Variants in MAST4 observed in about 807,000 individuals in gnomAD.
The protein encoded by MAST4 is microtubule associated serine/threonine kinase family member 4.
In MAST4, 89 loss-of-function variants were observed where a neutral mutation model predicts 162.7. That is an observed-to-expected ratio of 0.55 (90% confidence interval 0.46 to 0.65). The LOEUF is 0.65. Ranked by LOEUF, MAST4 falls within the 30% of genes least tolerant of loss-of-function variation. MAST4 has a pLI of 0.00. For missense variants in MAST4, 3,153 were observed against 3,374.0 expected, an observed-to-expected ratio of 0.93 and a Z score of 1.62; for synonymous variants, 1,479 against 1,361.1, an observed-to-expected ratio of 1.09 and a Z score of -1.91.
chr5:66,765,168 A>G (rs1754036913), intron 2 of MAST4, among the ~76,000 whole-genome samples: 1 of 152,174 alleles, frequency 6.6e-6, no homozygotes, highest in Admixed American at 6.5e-5. Flanking sequence ...AGTTTGCATA[A>G]GTACACCCTA....
intron 8 of MAST4, among the ~76,000 whole-genome samples, chr5:67,101,198 T>G (rs1162103877): frequency 1.3e-5 from 2 of 152,156 alleles, no homozygotes; most frequent in Non-Finnish European, 2.9e-5. Context: ...CTTTCGAAAT[T>G]AGCACCTGTG....
chr5:67,026,266 G>A (rs375158511), intron 4 of MAST4, among the ~76,000 whole-genome samples: 1 of 152,138 alleles, frequency 6.6e-6, no homozygotes, highest in African/African-American at 2.4e-5. Flanking sequence ...ACATTTTAGA[G>A]GGGAAAAAAT....
intron 21 of MAST4, among the ~76,000 whole-genome samples, chr5:67,143,695 G>A (rs999538329): frequency 6.6e-6 from 1 of 152,192 alleles, no homozygotes; most frequent in Non-Finnish European, 1.5e-5. Flanking sequence ...TCGAGGTAAG[G>A]ATTTCCCTGG....
intron 3 of MAST4, among the ~76,000 whole-genome samples, chr5:66,885,444 T>C (rs960146513): frequency 2.6e-5 from 4 of 152,212 alleles, no homozygotes; most frequent in Non-Finnish European, 5.9e-5. Flanking sequence ...TTTTCTCCTG[T>C]AATGTAATGA....
chr5:66,907,859 A>G (rs1442787666), intron 4 of MAST4, among the ~76,000 whole-genome samples: 4 of 152,054 alleles, frequency 2.6e-5, no homozygotes, highest in African/African-American at 9.7e-5. Flanking sequence ...AATTCAAACA[A>G]AATAAAGGAT....
chr5:66,861,598 C>T (rs1760122772), intron 3 of MAST4, among the ~76,000 whole-genome samples: 1 of 152,222 alleles, frequency 6.6e-6, no homozygotes, highest in Non-Finnish European at 1.5e-5. Flanking sequence ...GCAGTGGAAC[C>T]ACTGTGGGGA....
intron 21 of MAST4, among the ~76,000 whole-genome samples, 187 bp from the exon 22 acceptor site, chr5:67,144,482 A>ACACACT (rs1350286477): frequency 2.7e-5 from 4 of 150,284 alleles, no homozygotes; most frequent in East Asian, 3.9e-4. Context: ...ACACACACAC[A>ACACACT]CACACTCACT....
intron 3 of MAST4, among the ~76,000 whole-genome samples, chr5:66,885,616 T>C (rs1346813168): frequency 6.6e-6 from 1 of 152,196 alleles, no homozygotes. Context: ...TAAATGGCAA[T>C]TCCAATTGCC....
chr5:66,684,727 G>T (rs933175890), intron 1 of MAST4, among the ~76,000 whole-genome samples: 3 of 152,190 alleles, frequency 2.0e-5, no homozygotes, highest in Admixed American at 6.5e-5. Context: ...TTCCTGGAAA[G>T]AATAATGCTA....
intron 1 of MAST4, among the ~76,000 whole-genome samples, chr5:66,680,946 G>A (rs933108866): frequency 6.6e-6 from 1 of 152,176 alleles, no homozygotes; most frequent in Admixed American, 6.6e-5. Context: ...ACTCTTCTGG[G>A]CACAGTCCTC....
At chr5:66,721,090 T>A (rs1561285507) in intron 1 of MAST4, among the ~76,000 whole-genome samples, 1 of 152,154 alleles carries the variant, frequency 6.6e-6, no homozygotes, top group Non-Finnish European at 1.5e-5. Context: ...TCTCCCCACC[T>A]CTTACACCAT....
intron 1 of MAST4, among the ~76,000 whole-genome samples, chr5:66,627,010 A>T (rs1225109798): frequency 6.6e-6 from 1 of 152,182 alleles, no homozygotes; most frequent in Non-Finnish European, 1.5e-5. Flanking sequence ...CAAAGATAGG[A>T]GGTTTGTATT....
At chr5:66,918,958 C>T (rs1242172193) in intron 4 of MAST4, among the ~76,000 whole-genome samples, 1 of 152,090 alleles carries the variant, frequency 6.6e-6, no homozygotes, top group African/African-American at 2.4e-5. Flanking sequence ...CAAAAATTAG[C>T]TGGGCATGGT....
chr5:66,648,940 AC>A (rs1746039968), intron 1 of MAST4, among the ~76,000 whole-genome samples: 1 of 152,030 alleles, frequency 6.6e-6, no homozygotes, highest in Non-Finnish European at 1.5e-5. Context: ...AATTTTAAAA[AC>A]CTTTAAATTT....
chr5:66,985,978 A>C (rs1246845125), intron 4 of MAST4, among the ~76,000 whole-genome samples: 1 of 152,240 alleles, frequency 6.6e-6, no homozygotes, highest in African/African-American at 2.4e-5. Context: ...CTGTAAACAT[A>C]TATTGATTGC....
At chr5:67,115,785 C>T (rs1766823496) in intron 12 of MAST4, among the ~76,000 whole-genome samples, 1 of 152,182 alleles carries the variant, frequency 6.6e-6, no homozygotes, top group South Asian at 2.1e-4. Flanking sequence ...GGTTCCATTC[C>T]ATTACTACCC....
intron 1 of MAST4, among the ~76,000 whole-genome samples, chr5:66,698,748 T>C (rs528928643): frequency 2.0e-5 from 3 of 152,306 alleles, no homozygotes; most frequent in South Asian, 4.1e-4. Flanking sequence ...ATCTCATAAA[T>C]GGCACCACCA....
rs570450952 is a variant in MAST4 at position 67,166,253 on chromosome 5, G to A, written c.7074G>A (p.Pro2358=). 126 of 1,552,968 alleles carry A rather than the reference G, an allele frequency of 8.1e-5. No individual in the cohort carries two copies. The Admixed American group carries it at 2.2e-3, about 28-fold the overall frequency. The stretch of plus-strand genomic sequence containing the variant: ...ACAACAGACAGACAGACAAAAGCCC[G>A]AGTCAGCCGGCCGCCAACACCGACA... ...QTDNRQTDKS[P]SQPAANTDRR... Residue 2358 remains proline (P), a synonymous_variant, in exon 29 of 29, where the codon CCG becomes CCA. Coordinates refer to ENST00000403625, the MANE Select transcript of MAST4 (RefSeq NM_001164664.2).
chr5:66,634,893 G>C (rs1745006791), intron 1 of MAST4, among the ~76,000 whole-genome samples: 1 of 152,164 alleles, frequency 6.6e-6, no homozygotes, highest in South Asian at 2.1e-4. Context: ...CCTTCTCTTA[G>C]GACAGTGCTC....
Sources: gnomAD v4.1 joint callset for allele counts (sites outside exome capture counted in the v4.1 genomes callset) on GRCh38, gnomAD v4.1.1 for gene constraint, MANE v1.5 for transcripts, NCBI Gene and HGNC (gene_info 2026-07-23, HGNC 2026-07-21) for gene names.